The following MACROD1 variants were observed in gnomAD, a reference collection of about 807,000 sequenced individuals.
The protein encoded by MACROD1 is mono-ADP ribosylhydrolase 1.
In MACROD1, 31 loss-of-function variants were observed where a neutral mutation model predicts 41.4. That is an observed-to-expected ratio of 0.75 (90% CI 0.56 to 1.01). MACROD1 has a LOEUF of 1.01. MACROD1 is among the 50% of genes least tolerant of loss of function. The probability of loss-of-function intolerance (pLI) is 0.00; values close to 1 mark genes in which losing one functional copy is unlikely to be tolerated. For missense variants in MACROD1, 473 were observed against 460.0 expected, an observed-to-expected ratio of 1.03 and a Z score of -0.26; for synonymous variants, 252 against 203.4, an observed-to-expected ratio of 1.24 and a Z score of -2.03.
At chr11:64,080,721 C>T (rs116756013) in intron 3 of MACROD1, among the ~76,000 whole-genome samples, 2,483 of 152,270 alleles carry the variant, frequency 0.016, 73 homozygotes, top group African/African-American at 0.057. Context: ...GGAAGGAGGA[C>T]GTGCAGAGGG....
intron 3 of MACROD1, among the ~76,000 whole-genome samples, chr11:64,135,583 T>C (rs896398547): frequency 2.6e-5 from 4 of 152,196 alleles, no homozygotes; most frequent in Non-Finnish European, 5.9e-5. Context: ...AAAACTGATT[T>C]CCAAAGCCTA....
chr11:64,007,141 C>T (rs1434730682), intron 4 of MACROD1, among the ~76,000 whole-genome samples: 1 of 152,220 alleles, frequency 6.6e-6, no homozygotes, highest in Non-Finnish European at 1.5e-5. Flanking sequence ...CACTGCCTCC[C>T]GCGCCCCTCC....
Position 64,117,201 on chromosome 11 carries a change from G to A in MACROD1, c.517+34038C>T, listed in dbSNP as rs777150139. 13 of 1,613,934 alleles carry A rather than the reference G, an allele frequency of 8.1e-6. No homozygotes were observed. Among genetic ancestry groups the A allele is most frequent in the Middle Eastern group, 1.6e-4 (1 of 6,078 alleles). On this transcript the variant is annotated intron_variant, in intron 3 of 10. Transcript: ENST00000255681. Reference sequence around the variant, plus strand: ...CAACAACCTGACCACGCTGCCCCGCGGCCTGTTCGACGACCTGGGGAACCT... The same window carrying A: ...CAACAACCTGACCACGCTGCCCCGCAGCCTGTTCGACGACCTGGGGAACCT...
intron 3 of MACROD1, among the ~76,000 whole-genome samples, chr11:64,016,159 A>G (rs1214029235): frequency 6.6e-6 from 1 of 152,138 alleles, no homozygotes; most frequent in Non-Finnish European, 1.5e-5. Flanking sequence ...AGTCTGTCCG[A>G]TCGGCTGCCC....
chr11:64,072,834 A>C (rs1003099392), intron 3 of MACROD1, among the ~76,000 whole-genome samples: 1 of 152,172 alleles, frequency 6.6e-6, no homozygotes, highest in South Asian at 2.1e-4. Flanking sequence ...CCCCAACCAG[A>C]GCGTCTGAGG....
intron 3 of MACROD1, among the ~76,000 whole-genome samples, chr11:64,139,973 A>AAG (rs397708679): frequency 2.0e-5 from 3 of 150,416 alleles, no homozygotes; most frequent in Non-Finnish European, 3.0e-5. Flanking sequence ...GAAAAAAAAA[A>AAG]GAGGCAGGGG....
chr11:64,002,036 C>T (rs1055931123), intron 4 of MACROD1, among the ~76,000 whole-genome samples: 2 of 152,208 alleles, frequency 1.3e-5, no homozygotes, highest in African/African-American at 4.8e-5. Context: ...TAAGGCAGTG[C>T]TTGGCAAGAA....
intron 3 of MACROD1, among the ~76,000 whole-genome samples, chr11:64,033,310 T>C (rs1943318353): frequency 6.6e-6 from 1 of 152,244 alleles, no homozygotes; most frequent in Non-Finnish European, 1.5e-5. Context: ...CCCCGAACTG[T>C]GCACAGCCAC....
chr11:63,998,600 C>G lies in MACROD1; in HGVS notation c.*118G>C. On this transcript the variant is annotated 3_prime_UTR_variant, in exon 11 of 11. Coordinates refer to ENST00000255681, the MANE Select transcript of MACROD1 (RefSeq NM_014067.4). The stretch of plus-strand genomic sequence containing the variant: ...TATTAGGCTCCTCGGGGGCGGGGCG[C>G]GGAGGGAAAGAAGGGGTGGCCAGGC... The G allele has an allele frequency of 7.8e-7, 1 of 1,274,114 alleles. No homozygotes were observed. The highest frequency in any genetic ancestry group is 9.9e-7 in the Non-Finnish European group (1 of 1,010,978). 78.9% of individuals were successfully genotyped at this position (1,274,114 alleles called of 1,614,324 possible).
chr11:64,000,359 G>A lies in MACROD1; in HGVS notation c.548-16C>T, dbSNP rs1165247543. On this transcript the variant is annotated splice_polypyrimidine_tract_variant and intron_variant, in intron 4 of 10. Coordinates refer to ENST00000255681, the MANE Select transcript of MACROD1 (RefSeq NM_014067.4). ...CAGCCGTCCACTGCGGGAAGGGCGG[G>A]CGCGACTGAGCTGGCCTGGCAAGGC... 2 of 1,526,852 alleles carry A rather than the reference G, an allele frequency of 1.3e-6. No individual in the cohort carries two copies. The highest frequency in any genetic ancestry group is 8.8e-7 in the Non-Finnish European group (1 of 1,131,868). 94.6% of individuals were successfully genotyped at this position (1,526,852 alleles called of 1,614,324 possible).
chr11:64,018,866 C>T (rs73496100), intron 3 of MACROD1, among the ~76,000 whole-genome samples: 1,670 of 152,276 alleles, frequency 0.011, 33 homozygotes, highest in African/African-American at 0.038. Flanking sequence ...TCAAAGGGCT[C>T]TTCTTGCTGA....
intron 3 of MACROD1, among the ~76,000 whole-genome samples, chr11:64,084,779 G>A (rs368378054): frequency 3.8e-4 from 58 of 152,238 alleles, no homozygotes; most frequent in Admixed American, 7.2e-4. Flanking sequence ...TCCCTCACCC[G>A]CCAGCCCAGA....
intron 3 of MACROD1, among the ~76,000 whole-genome samples, chr11:64,034,757 G>GAC (rs1943342662): frequency 6.6e-6 from 1 of 152,246 alleles, no homozygotes; most frequent in Non-Finnish European, 1.5e-5. Context: ...GGGGGTCCCA[G>GAC]CCAGACTGTG....
chr11:64,119,721 C>T (rs760044371), intron 3 of MACROD1, among the ~76,000 whole-genome samples: 7 of 152,130 alleles, frequency 4.6e-5, no homozygotes, highest in African/African-American at 7.2e-5. Context: ...TGCCAGCCTC[C>T]GAAAGGGCCC....
chr11:64,064,618 C>T lies in MACROD1; in HGVS notation c.518-49337G>A, dbSNP rs575199808. Among the ~76,000 whole-genome samples, 8 of 151,722 alleles carry T rather than the reference C, an allele frequency of 5.3e-5. No homozygotes were observed. The highest frequency in any genetic ancestry group is 2.1e-4 in the South Asian group (1 of 4,710). On this transcript the variant is annotated intron_variant, in intron 3 of 10. Coordinates refer to ENST00000255681, the MANE Select transcript of MACROD1 (RefSeq NM_014067.4). This position sits in a 1 kb window ranked among gnomAD's most constrained non-coding sequence, Gnocchi z 4.5. ...GCCCTGTTAAAACCCAGAATGTATC[C>T]TGACAGCATTGGAACAGGATGCAGA...
chr11:64,019,849 G>C (rs1943130740), intron 3 of MACROD1, among the ~76,000 whole-genome samples: 1 of 152,142 alleles, frequency 6.6e-6, no homozygotes, highest in Non-Finnish European at 1.5e-5. Flanking sequence ...GGAGGAGGTG[G>C]CATTTGAGCT....
chr11:64,097,188 A>G lies in MACROD1; in HGVS notation c.517+54051T>C, dbSNP rs543280743. Among the ~76,000 whole-genome samples the G allele has an allele frequency of 2.0e-5, 3 of 152,338 alleles. No individual in the cohort carries two copies. In the South Asian group the frequency reaches 6.2e-4, roughly 32 times the overall value. ...CCCTCTGCAGCATCCTGAGCCTGGC[A>G]GAACTGGGCCTCCAGACCCCCCAGA... On this transcript the variant is annotated intron_variant, in intron 3 of 10. Transcript: ENST00000255681.
At chr11:64,075,356 C>G (rs183927931) in intron 3 of MACROD1, among the ~76,000 whole-genome samples, 2 of 152,250 alleles carry the variant, frequency 1.3e-5, no homozygotes. Context: ...CTAAACCGTT[C>G]CCTGGGCACT....
At chr11:64,154,712 TTTACAC>T (rs1435165824) in intron 1 of MACROD1, among the ~76,000 whole-genome samples, 3 of 152,176 alleles carry the variant, frequency 2.0e-5, no homozygotes, top group Non-Finnish European at 4.4e-5. Flanking sequence ...TTTGCTTTTG[TTTACAC>T]TTATTCTTTT....
Sources: gnomAD v4.1 joint callset for allele counts (sites outside exome capture counted in the v4.1 genomes callset) on GRCh38, gnomAD v4.1.1 for gene constraint, Gnocchi (gnomAD v3.1) non-coding constraint, MANE v1.5 for transcripts, NCBI Gene and HGNC (gene_info 2026-07-23, HGNC 2026-07-21) for gene names.